Variants in LHPP observed in about 807,000 individuals in gnomAD.
The protein encoded by LHPP is phospholysine phosphohistidine inorganic pyrophosphate phosphatase, also known as hLHPP.
In LHPP, 24 loss-of-function variants were observed where a neutral mutation model predicts 30.3. The ratio of observed to expected loss-of-function variants is 0.79; its 90% CI spans 0.57 to 1.11. The LOEUF is 1.11. Among genes scored for constraint, LHPP ranks in the 50% most tolerant of loss-of-function variants. The pLI is 0.00. For synonymous variants in LHPP, 150 were observed against 157.1 expected (o/e 0.95, Z 0.34); for missense variants, 356 against 367.2 (o/e 0.97, Z 0.25).
chr10:124,560,585 A>G (rs1415188575), intron 6 of LHPP, among the ~76,000 whole-genome samples: 1 of 152,222 alleles, frequency 6.6e-6, no homozygotes, highest in Non-Finnish European at 1.5e-5. Context: ...AGAATTAGCC[A>G]TGACTCAGAG....
intron 6 of LHPP, among the ~76,000 whole-genome samples, chr10:124,566,741 G>A (rs553558090): frequency 1.3e-5 from 2 of 152,230 alleles, no homozygotes; most frequent in African/African-American, 2.4e-5. Flanking sequence ...GTGGGAGGTC[G>A]GGGGCACCTG....
intron 5 of LHPP, among the ~76,000 whole-genome samples, chr10:124,507,402 G>C (rs567839454): frequency 8.1e-5 from 1 of 12,416 alleles, no homozygotes; most frequent in Non-Finnish European, 1.4e-4. Context: ...TATTTCAGGT[G>C]GGGAGGGTAG....
chr10:124,575,686 G>A (rs1025131513), intron 6 of LHPP, among the ~76,000 whole-genome samples: 3 of 152,054 alleles, frequency 2.0e-5, no homozygotes, highest in Non-Finnish European at 4.4e-5. Flanking sequence ...CCCTCGTCCT[G>A]GCCCCCTTTG....
intron 6 of LHPP, among the ~76,000 whole-genome samples, chr10:124,533,135 C>T (rs1380792615): frequency 2.6e-5 from 4 of 152,206 alleles, no homozygotes; most frequent in African/African-American, 9.7e-5. Flanking sequence ...GGGTGCATCA[C>T]GGCCTGGGGT....
At chr10:124,582,448 A>G (rs1220385179) in intron 6 of LHPP, among the ~76,000 whole-genome samples, 2 of 152,188 alleles carry the variant, frequency 1.3e-5, no homozygotes, top group African/African-American at 4.8e-5. Context: ...AGTTGTTTAT[A>G]TATTCTGGAT....
chr10:124,525,713 C>T lies in LHPP; in HGVS notation c.716+8442C>T, dbSNP rs551600271. Among the ~76,000 whole-genome samples, 25 of 152,372 alleles carry T rather than the reference C, an allele frequency of 1.6e-4. 1 individual carries two copies. The highest frequency in any genetic ancestry group is 5.8e-4 in the African/African-American group (24 of 41,582). On this transcript the variant is annotated intron_variant, in intron 6 of 6. Coordinates refer to ENST00000368842, the MANE Select transcript of LHPP (RefSeq NM_022126.4). ...GTTGGGGCAGCATCAGCTTCCTCCTCTGCTGGGTTTCCTGCCTTCTGTTGG... is the reference window on the plus strand; with the variant it reads ...GTTGGGGCAGCATCAGCTTCCTCCTTTGCTGGGTTTCCTGCCTTCTGTTGG...
intron 6 of LHPP, among the ~76,000 whole-genome samples, chr10:124,594,208 T>G (rs571837179): frequency 5.8e-4 from 87 of 150,930 alleles, no homozygotes; most frequent in African/African-American, 2.1e-3. Context: ...TGCATGCCTA[T>G]AATCCCAGCT....
intron 5 of LHPP, among the ~76,000 whole-genome samples, chr10:124,503,021 T>C (rs755974739): frequency 4.3e-4 from 65 of 151,648 alleles, no homozygotes; most frequent in Non-Finnish European, 6.9e-4. Context: ...TATGTAAATA[T>C]TCTCTTTCTG....
At chr10:124,612,249 A>G (rs1006522107) in intron 6 of LHPP, among the ~76,000 whole-genome samples, 2 of 152,128 alleles carry the variant, frequency 1.3e-5, no homozygotes, top group Admixed American at 1.3e-4. Context: ...ACACTAAAAA[A>G]TACAAAAAAA....
chr10:124,503,750 TA>T (rs1428521409), intron 5 of LHPP, among the ~76,000 whole-genome samples: 1 of 150,684 alleles, frequency 6.6e-6, no homozygotes, highest in Non-Finnish European at 1.5e-5. Context: ...TTATAAATAT[TA>T]TAGCTTTTTT....
chr10:124,599,531 C>T (rs905783466), intron 6 of LHPP, among the ~76,000 whole-genome samples: 2 of 152,232 alleles, frequency 1.3e-5, no homozygotes, highest in African/African-American at 2.4e-5. Context: ...CCAGGGGTTC[C>T]GTACTCCCTG....
intron 5 of LHPP, among the ~76,000 whole-genome samples, chr10:124,499,840 G>A (rs1203193586): frequency 6.6e-6 from 1 of 151,854 alleles, no homozygotes; most frequent in Non-Finnish European, 1.5e-5. Context: ...ATGGCCCAAA[G>A]CTGCCAAAAT....
chr10:124,504,599 C>CA (rs59159229), intron 5 of LHPP, among the ~76,000 whole-genome samples: 1,140 of 105,614 alleles, frequency 0.011, 11 homozygotes, highest in South Asian at 0.026. Context: ...GACCCTGTCT[C>CA]AAAAAAAAAA....
chr10:124,567,778 A>G (rs1447111397), intron 6 of LHPP, among the ~76,000 whole-genome samples: 2 of 152,258 alleles, frequency 1.3e-5, no homozygotes, highest in African/African-American at 2.4e-5. Context: ...CATGCAACGC[A>G]CAAACACATG....
At chr10:124,587,917 C>T (rs1047696331) in intron 6 of LHPP, among the ~76,000 whole-genome samples, 15 of 152,270 alleles carry the variant, frequency 9.9e-5, no homozygotes, top group Non-Finnish European at 1.5e-4. Context: ...ACAGGGCTGC[C>T]GGCCTCTGTA....
At chr10:124,509,147 A>G (rs1434102669) in intron 5 of LHPP, among the ~76,000 whole-genome samples, 1 of 152,148 alleles carries the variant, frequency 6.6e-6, no homozygotes, top group Non-Finnish European at 1.5e-5. Flanking sequence ...TTCCTGCATT[A>G]GTTTGCTTAG....
At chr10:124,554,144 T>A in intron 6 of LHPP, 1 of 730,172 alleles carries the variant, frequency 1.4e-6, no homozygotes, top group South Asian at 6.1e-5. Context: ...CAGGTAGAGG[T>A]TTTTCAACCT....
chr10:124,515,319 T>C (rs945894493), intron 5 of LHPP, among the ~76,000 whole-genome samples: 1 of 152,224 alleles, frequency 6.6e-6, no homozygotes, highest in African/African-American at 2.4e-5. Flanking sequence ...CCTGACATTG[T>C]AGTTTTCATC....
intron 6 of LHPP, among the ~76,000 whole-genome samples, chr10:124,538,052 C>T (rs569737604): frequency 2.0e-5 from 3 of 152,226 alleles, no homozygotes; most frequent in Non-Finnish European, 4.4e-5. Context: ...CACCCCAGGC[C>T]CACCCACCTG....
Sources: allele counts gnomAD v4.1 joint callset (sites outside exome capture counted in the v4.1 genomes callset), GRCh38; gene constraint gnomAD v4.1.1; transcripts MANE v1.5; gene names NCBI Gene and HGNC (gene_info 2026-07-23, HGNC 2026-07-21).